The following KIRREL3 variants were observed in gnomAD, a reference collection of about 807,000 sequenced individuals.
KIRREL3 encodes kirre like nephrin family adhesion molecule 3.
Under a neutral mutation model 89.7 loss-of-function variants are expected in KIRREL3, and 36 were observed. The ratio of observed to expected loss-of-function variants is 0.40; its 90% confidence interval spans 0.31 to 0.53. The LOEUF is 0.53. KIRREL3 is among the 20% of genes least tolerant of loss of function. The pLI is 0.49. For synonymous variants in KIRREL3, 445 were observed against 441.4 expected, an observed-to-expected ratio of 1.01 and a Z score of -0.10; for missense variants, 864 against 1,056.6, an observed-to-expected ratio of 0.82 and a Z score of 2.53.
At position 126,860,200 on chromosome 11, in the gene KIRREL3, C is replaced by T. The variant is rs78420483; in HGVS notation, c.55+140255G>A. Among the ~76,000 whole-genome samples the T allele has an allele frequency of 0.013, 2,039 of 152,230 alleles. 50 individuals are homozygous for T. Among genetic ancestry groups the T allele is most frequent in the African/African-American group, 0.047 (1,941 of 41,526 alleles). On this transcript the variant is annotated intron_variant, in intron 1 of 16. Transcript: ENST00000525144. The surrounding 1 kb of genome is among the most constrained non-coding windows in gnomAD (Gnocchi z 4.6). ...ACGAGCATTTGTGATGTGCCCGTTGCTGGTACTTGGTGCTGGGAATATAAA... is the reference window on the plus strand; with the variant it reads ...ACGAGCATTTGTGATGTGCCCGTTGTTGGTACTTGGTGCTGGGAATATAAA...
At chr11:126,730,206 C>G (rs1343161561) in intron 1 of KIRREL3, among the ~76,000 whole-genome samples, 1 of 152,226 alleles carries the variant, frequency 6.6e-6, no homozygotes, top group African/African-American at 2.4e-5. Context: ...GCTCTCAGCC[C>G]CGCAGAACCC....
chr11:126,695,316 A>G (rs369711846), intron 1 of KIRREL3, among the ~76,000 whole-genome samples: 8 of 151,252 alleles, frequency 5.3e-5, no homozygotes, highest in African/African-American at 1.7e-4. Flanking sequence ...TAGAACTGCA[A>G]TCAGGTTTCC....
chr11:126,936,967 G>A (rs1207300406), intron 1 of KIRREL3: 1 of 152,206 alleles, frequency 6.6e-6, no homozygotes, highest in Non-Finnish European at 1.5e-5. Flanking sequence ...TGTCAGGAGG[G>A]TACACGAATG....
rs1393233671 is a variant in KIRREL3, at chr11:126,489,338, A to T, written c.434-15872T>A. ...CCTGCACGGAGCAGGTGCTCAACAG[A>T]TGAGCACCCCATCAATGATGGAAGG... On this transcript the variant is annotated intron_variant, in intron 4 of 16. Coordinates refer to ENST00000525144, the MANE Select transcript of KIRREL3 (RefSeq NM_032531.4). This position sits in a 1 kb window ranked among gnomAD's most constrained non-coding sequence, Gnocchi z 5.5. Among the ~76,000 whole-genome samples the T allele has an allele frequency of 6.6e-6, 1 of 152,116 alleles. No homozygotes were observed. Among genetic ancestry groups the T allele is most frequent in the East Asian group, 1.9e-4 (1 of 5,174 alleles).
rs530946747 is a variant in KIRREL3, at chr11:126,764,255, G to A, written c.56-201343C>T. ...AGGTCGCTCTGGTCAATGGGCCCAC[G>A]GCAGCACCCACTGTCTTGGCAAATG... On this transcript the variant is annotated intron_variant, in intron 1 of 16. Coordinates refer to ENST00000525144, the MANE Select transcript of KIRREL3 (RefSeq NM_032531.4). The surrounding 1 kb of genome is among the most constrained non-coding windows in gnomAD (Gnocchi z 4.2). Among the ~76,000 whole-genome samples, 2 of 152,184 alleles carry A rather than the reference G, an allele frequency of 1.3e-5. No homozygotes were observed. Among genetic ancestry groups the A allele is most frequent in the East Asian group, 1.9e-4 (1 of 5,176 alleles).
Position 126,425,803 on chromosome 11 carries a change from A to C in KIRREL3, c.1807-79T>G. On this transcript the variant is annotated intron_variant, in intron 15 of 16. Transcript: ENST00000525144. Reference sequence around the variant, plus strand: ...CCCCCAAGGAAAAGATGAGATCAGAAACTCAAAAGATTGCCCTGTATAACC... The same window carrying C: ...CCCCCAAGGAAAAGATGAGATCAGACACTCAAAAGATTGCCCTGTATAACC... 3.4e-6 allele frequency: 4 copies of C among 1,172,836 alleles called. No individual in the cohort carries two copies. In the South Asian group the frequency reaches 5.3e-5, roughly 16 times the overall value. The allele number at this position is 1,172,836 out of a possible 1,614,324, so 72.7% of individuals were successfully genotyped here. A position where few individuals can be genotyped will look rare whatever the true frequency, so the allele number is the denominator to read the frequency against.
intron 7 of KIRREL3, among the ~76,000 whole-genome samples, chr11:126,451,577 T>TGC (rs1349201535): frequency 6.8e-6 from 1 of 147,404 alleles, no homozygotes; most frequent in South Asian, 2.2e-4. Context: ...TGTGCATGTG[T>TGC]GTGTGCGTGT....
Position 126,783,600 on chromosome 11 carries a change from G to A in KIRREL3, c.55+216855C>T, listed in dbSNP as rs1365650267. The stretch of plus-strand genomic sequence containing the variant: ...GATGGCATGCTTTAGCAACAAAATA[G>A]TGTTGGAGGATAATCCAAAGCAAGT... On this transcript the variant is annotated intron_variant, in intron 1 of 16. Transcript: ENST00000525144. The surrounding 1 kb of genome is among the most constrained non-coding windows in gnomAD (Gnocchi z 4.3). Among the ~76,000 whole-genome samples the A allele has an allele frequency of 6.6e-6, 1 of 152,192 alleles. No individual in the cohort carries two copies. Among genetic ancestry groups the A allele is most frequent in the Non-Finnish European group, 1.5e-5 (1 of 68,026 alleles).
chr11:126,705,753 A>G lies in KIRREL3; in HGVS notation c.56-142841T>C, dbSNP rs1225498458. Among the ~76,000 whole-genome samples, 3 of 152,228 alleles carry G rather than the reference A, an allele frequency of 2.0e-5. No homozygotes were observed. The East Asian group carries it at 5.8e-4, about 29-fold the overall frequency. ...AAATTACAGATGGCTACAAACACTT[A>G]GCCACTCCTCCCAGAAAGAGGTGGA... On this transcript the variant is annotated intron_variant, in intron 1 of 16. Coordinates refer to ENST00000525144, the MANE Select transcript of KIRREL3 (RefSeq NM_032531.4). This position sits in a 1 kb window ranked among gnomAD's most constrained non-coding sequence, Gnocchi z 4.3.
At chr11:126,630,341 T>C (rs1490301147) in intron 1 of KIRREL3, among the ~76,000 whole-genome samples, 2 of 152,246 alleles carry the variant, frequency 1.3e-5, no homozygotes, top group African/African-American at 4.8e-5. Context: ...AAGGCCACTG[T>C]GGTTGAGTGA....
At position 126,797,569 on chromosome 11, in the gene KIRREL3, C is replaced by T. The variant is rs995596008; in HGVS notation, c.55+202886G>A. 7.9e-5 allele frequency among the ~76,000 whole-genome samples: 12 copies of T among 152,088 alleles called. No individual in the cohort carries two copies. The highest frequency in any genetic ancestry group is 1.8e-4 in the Non-Finnish European group (12 of 68,014). On this transcript the variant is annotated intron_variant, in intron 1 of 16. Transcript: ENST00000525144. This position sits in a 1 kb window ranked among gnomAD's most constrained non-coding sequence, Gnocchi z 4.9. Reference sequence around the variant, plus strand: ...CACTAGAGTTTTATTAGTGGCTTACCATGGCACTTAGTCCCAATCTACTCC... The same window carrying T: ...CACTAGAGTTTTATTAGTGGCTTACTATGGCACTTAGTCCCAATCTACTCC...
intron 12 of KIRREL3, among the ~76,000 whole-genome samples, chr11:126,435,855 A>G (rs1421826733): frequency 1.3e-5 from 2 of 152,132 alleles, no homozygotes; most frequent in African/African-American, 4.8e-5. Flanking sequence ...AGAGGGTGTC[A>G]GAGATCGTCA....
At chr11:126,825,070 G>A (rs1001521094) in intron 1 of KIRREL3, among the ~76,000 whole-genome samples, 1 of 152,162 alleles carries the variant, frequency 6.6e-6, no homozygotes, top group African/African-American at 2.4e-5. Flanking sequence ...TGATTTGGGG[G>A]TCCTGAGATT....
At position 126,676,614 on chromosome 11, in the gene KIRREL3, T is replaced by C. The variant is rs993139826; in HGVS notation, c.56-113702A>G. On this transcript the variant is annotated intron_variant, in intron 1 of 16. Transcript: ENST00000525144. The surrounding 1 kb of genome is among the most constrained non-coding windows in gnomAD (Gnocchi z 4.5). ...TCTGAGGGGTCTTTGAGTTCTCAAGTTCAGGAAACTCAGACGTGGTCCTGG... is the reference window on the plus strand; with the variant it reads ...TCTGAGGGGTCTTTGAGTTCTCAAGCTCAGGAAACTCAGACGTGGTCCTGG... Among the ~76,000 whole-genome samples, 2 of 152,142 alleles carry C rather than the reference T, an allele frequency of 1.3e-5. No homozygotes were observed. The highest frequency in any genetic ancestry group is 4.8e-5 in the African/African-American group (2 of 41,432).
rs1945911081 is a variant in KIRREL3, at chr11:126,891,318, A to T, written c.55+109137T>A. 6.6e-6 allele frequency among the ~76,000 whole-genome samples: 1 copy of T among 152,222 alleles called. No individual in the cohort carries two copies. The highest frequency in any genetic ancestry group is 2.1e-4 in the South Asian group (1 of 4,822). On this transcript the variant is annotated intron_variant, in intron 1 of 16. Transcript: ENST00000525144. This position sits in a 1 kb window ranked among gnomAD's most constrained non-coding sequence, Gnocchi z 5.1. ...CAAAATATCACTGTCTGACTCTGAT[A>T]ATGACTTCCCAGAGTTTCAGACATT...
In KIRREL3 at chr11:126,999,583, G is replaced by C. The variant is rs912170423; in HGVS notation, c.55+872C>G. Among the ~76,000 whole-genome samples, 3 of 152,220 alleles carry C rather than the reference G, an allele frequency of 2.0e-5. No homozygotes were observed. Among genetic ancestry groups the C allele is most frequent in the Non-Finnish European group, 4.4e-5 (3 of 68,036 alleles). ...ATTGGCATTCCAAAAGAGCGGGAAG[G>C]AGCCCATGTACTTGCCCCTCCAAAC... On this transcript the variant is annotated intron_variant, in intron 1 of 16. Coordinates refer to ENST00000525144, the MANE Select transcript of KIRREL3 (RefSeq NM_032531.4). This position sits in a 1 kb window ranked among gnomAD's most constrained non-coding sequence, Gnocchi z 5.7.
intron 1 of KIRREL3, among the ~76,000 whole-genome samples, chr11:126,863,494 TGTGA>T (rs138543681): frequency 0.8 from 111,301 of 138,332 alleles, 44,943 homozygotes; most frequent in East Asian, 0.98. Context: ...TGAGTGCGTG[TGTGA>T]GTGTGAGTGC....
chr11:126,596,564 T>C (rs1417489476), intron 1 of KIRREL3, among the ~76,000 whole-genome samples: 1 of 152,212 alleles, frequency 6.6e-6, no homozygotes, highest in Admixed American at 6.5e-5. Flanking sequence ...CTTAGCTGCA[T>C]TGAGTTGACA....
At chr11:126,695,781 T>G (rs1591976360) in intron 1 of KIRREL3, among the ~76,000 whole-genome samples, 1 of 152,184 alleles carries the variant, frequency 6.6e-6, no homozygotes, top group East Asian at 1.9e-4. Flanking sequence ...GGGAGTTTGA[T>G]TCCTGAAGAA....
Sources: gnomAD v4.1 joint callset for allele counts (sites outside exome capture counted in the v4.1 genomes callset) on GRCh38, gnomAD v4.1.1 for gene constraint, Gnocchi (gnomAD v3.1) non-coding constraint, MANE v1.5 for transcripts, NCBI Gene and HGNC (gene_info 2026-07-23, HGNC 2026-07-21) for gene names.